The following HAPLN2 variants were observed in gnomAD, a reference collection of about 807,000 sequenced individuals.
HAPLN2 encodes brain link protein-1.
Under a neutral mutation model 29.3 loss-of-function variants are expected in HAPLN2, and 27 were observed. That is an observed-to-expected ratio of 0.92 (90% CI 0.68 to 1.27). The LOEUF (loss-of-function observed/expected upper bound fraction) is 1.27, where lower values mean the gene tolerates loss of function less well. Among genes scored for constraint, HAPLN2 ranks in the 50% most tolerant of loss-of-function variants. The pLI, the probability that HAPLN2 is intolerant of heterozygous loss-of-function variation, is 0.00. For missense variants in HAPLN2, 454 were observed against 484.3 expected (o/e 0.94, Z 0.59); for synonymous variants, 208 against 211.7 (o/e 0.98, Z 0.15).
At chr1:156,612,846 G>T in the HAPLN2 span, among the ~76,000 whole-genome samples, 1 of 152,220 alleles carries the variant, frequency 6.6e-6, no homozygotes, top group Admixed American at 6.5e-5. Flanking sequence ...TCTGCCAGTG[G>T]ATTTATTATT....
upstream of HAPLN2, among the ~76,000 whole-genome samples, chr1:156,615,907 C>G (rs118014790): frequency 1.2e-4 from 18 of 144,088 alleles, no homozygotes; most frequent in East Asian, 3.3e-3. Context: ...GAGATCCTAT[C>G]TCTTAAAAAA....
chr1:156,624,743 C>T lies in HAPLN2; in HGVS notation c.699C>T (p.Arg233=). 1.3e-6 allele frequency: 2 copies of T among 1,548,608 alleles called. No homozygotes were observed. The highest frequency in any genetic ancestry group is 1.7e-6 in the Non-Finnish European group (2 of 1,156,166). The change falls in exon 6 of 7, where the codon CGC becomes CGT. Residue 233 remains arginine (R), a synonymous_variant. Coordinates refer to ENST00000255039, the MANE Select transcript of HAPLN2 (RefSeq NM_021817.3). The part of the protein sequence containing the change: ...IRSYGPRDRM[R]DRYDAFCFTS... The stretch of plus-strand genomic sequence containing the variant: ...GCTACGGACCCCGCGACCGGATGCG[C>T]GACCGCTACGACGCCTTCTGCTTCA...
At chr1:156,616,984 G>A (rs1254157681), upstream of HAPLN2, among the ~76,000 whole-genome samples, 1 of 152,110 alleles carries the variant, frequency 6.6e-6, no homozygotes, top group East Asian at 1.9e-4. Flanking sequence ...AGCTACCTGA[G>A]AGGCTGAGGT....
upstream of HAPLN2, among the ~76,000 whole-genome samples, chr1:156,618,431 A>G (rs2102521084): frequency 6.6e-6 from 1 of 151,442 alleles, no homozygotes; most frequent in East Asian, 1.9e-4. Context: ...GTGAGCTATG[A>G]TTGGGCCACT....
At chr1:156,622,955 A>G (rs1365863867) in intron 2 of HAPLN2, among the ~76,000 whole-genome samples, 1 of 151,166 alleles carries the variant, frequency 6.6e-6, no homozygotes, top group African/African-American at 2.4e-5. Flanking sequence ...GATCACCTGG[A>G]GCTGGAAGTT....
In HAPLN2 at chr1:156,625,296, G is replaced by A. The variant is rs200318092; in HGVS notation, c.935G>A (p.Gly312Glu). Residue 312 changes from glycine (G) to glutamate (E), a missense_variant, in exon 7 of 7, where the codon GGG (glycine) becomes GAG (glutamate). Gly to Glu is a moderately conservative substitution (Grantham distance 98). Around this residue, in one of 3 missense-constraint regions of HAPLN2, gnomAD observed 235 missense variants for 236.9 expected, o/e 0.99. Transcript: ENST00000255039. This position sits in a 1 kb window ranked among gnomAD's most constrained non-coding sequence, Gnocchi z 5.7. ...ATCACCACGCCGAGGCCGCGCTGCGGGGGGCTCCCGGATCCCGGAGTGCGC... is the reference window on the plus strand; with the variant it reads ...ATCACCACGCCGAGGCCGCGCTGCGAGGGGCTCCCGGATCCCGGAGTGCGC... ...FPITTPRPRC[G>E]GLPDPGVRSF... 620 of 1,580,464 alleles carry A rather than the reference G, an allele frequency of 3.9e-4. 3 individuals carry two copies. Among genetic ancestry groups the A allele is most frequent in the Admixed American group, 2.0e-3 (110 of 55,850 alleles).
rs988093782 is a variant in HAPLN2, at chr1:156,624,036, G to C, written c.315G>C (p.Arg105Ser). ...GPLGGRARMR[R>S]GHRLDASLVI... ...TGGGAGGGCGCGCCAGGATGCGGAG[G>C]GGGCATCGACTAGACGCCTCCCTGG... The change falls in exon 4 of 7, where the codon AGG becomes AGC. Residue 105 changes from arginine to serine, a missense_variant. Arg to Ser is a moderately radical substitution (Grantham distance 110). Around this residue, in one of 3 missense-constraint regions of HAPLN2, gnomAD observed 204 missense variants for 209.2 expected, o/e 0.98. Coordinates refer to ENST00000255039, the MANE Select transcript of HAPLN2 (RefSeq NM_021817.3). The C allele has an allele frequency of 6.2e-7, 1 of 1,612,858 alleles. No homozygotes were observed. The highest frequency in any genetic ancestry group is 8.5e-7 in the Non-Finnish European group (1 of 1,179,628).
upstream of HAPLN2, among the ~76,000 whole-genome samples, chr1:156,618,812 G>A (rs567290180): frequency 2.1e-4 from 31 of 147,374 alleles, no homozygotes; most frequent in East Asian, 3.8e-3. Flanking sequence ...AAAGACTTGA[G>A]AGAAAGTGAA....
chr1:156,602,684 A>G, the HAPLN2 span, among the ~76,000 whole-genome samples: 2 of 151,614 alleles, frequency 1.3e-5, no homozygotes, highest in Non-Finnish European at 2.9e-5. Flanking sequence ...AGCCAGAAAA[A>G]AAAAAAGCAG....
chr1:156,619,832 A>T (rs1678163476), intron 1 of HAPLN2, 186 bp from the exon 2 acceptor site: 1 of 152,300 alleles, frequency 6.6e-6, no homozygotes, highest in Non-Finnish European at 1.5e-5. Flanking sequence ...TCCCAACCCC[A>T]GCATCTTCCC....
Position 156,624,346 on chromosome 1 carries a change from C to A in HAPLN2, c.440-5C>A. The stretch of plus-strand genomic sequence containing the variant: ...GCCCTCCCCAGGATCCCCGCCACCC[C>A]CTAGGTGTGGTGTTTCCGTACCAAC... On this transcript the variant is annotated splice_polypyrimidine_tract_variant and splice_region_variant and intron_variant, in intron 4 of 6. Coordinates refer to ENST00000255039, the MANE Select transcript of HAPLN2 (RefSeq NM_021817.3). 1 of 1,598,202 alleles carries A rather than the reference C, an allele frequency of 6.3e-7. No individual in the cohort carries two copies. Among genetic ancestry groups the A allele is most frequent in the Non-Finnish European group, 8.5e-7 (1 of 1,172,370 alleles).
chr1:156,607,914 G>T, the HAPLN2 span, among the ~76,000 whole-genome samples: 1 of 151,586 alleles, frequency 6.6e-6, no homozygotes, highest in Non-Finnish European at 1.5e-5. Context: ...TTACCTATTC[G>T]AATATTATTC....
Position 156,624,577 on chromosome 1 carries a change from C to T in HAPLN2, c.557-24C>T, listed in dbSNP as rs1259946755. ...CTCCTGCCTATGACGCCTCTTATCC[C>T]CGACCTCCGCCGTCTCCCGCCAGCT... On this transcript the variant is annotated intron_variant, in intron 5 of 6. Transcript: ENST00000255039. 5 of 1,608,496 alleles carry T rather than the reference C, an allele frequency of 3.1e-6. No individual in the cohort carries two copies. The East Asian group carries it at 1.1e-4, about 36-fold the overall frequency.
chr1:156,604,363 G>T, the HAPLN2 span, among the ~76,000 whole-genome samples: 1 of 151,368 alleles, frequency 6.6e-6, no homozygotes, highest in Non-Finnish European at 1.5e-5. Context: ...CACGATCTTG[G>T]TTCACTGCAA....
At position 156,625,341 on chromosome 1, in the gene HAPLN2, C is replaced by T. The variant is rs1379515639; in HGVS notation, c.980C>T (p.Pro327Leu). The change falls in exon 7 of 7, where the codon CCC (proline) becomes CTC (leucine). Residue 327 changes from proline to leucine, a missense_variant. Pro to Leu is a moderately conservative substitution (Grantham distance 98). This residue lies in a region of HAPLN2 where 235 missense variants were observed against 236.9 expected (regional missense o/e 0.99). Coordinates refer to ENST00000255039, the MANE Select transcript of HAPLN2 (RefSeq NM_021817.3). This position sits in a 1 kb window ranked among gnomAD's most constrained non-coding sequence, Gnocchi z 5.7. ...GTGCGCAGTTTCGGCTTCCCCAGGC[C>T]CCAACAGGCAGCCTATGGGACCTAC... ...PGVRSFGFPR[P>L]QQAAYGTYCY... The T allele has an allele frequency of 1.9e-6, 3 of 1,600,766 alleles. No individual in the cohort carries two copies. The highest frequency in any genetic ancestry group is 4.5e-5 in the East Asian group (2 of 44,064).
the HAPLN2 span, among the ~76,000 whole-genome samples, chr1:156,605,598 C>CAAAAAAAAAAAAAAAAAAAAAAA: frequency 1.6e-5 from 1 of 63,846 alleles, no homozygotes; most frequent in African/African-American, 7.2e-5. Flanking sequence ...GACTTGGTCT[C>CAAAAAAAAAAAAAAAAAAAAAAA]AAAAAAAAAA....
At chr1:156,623,379 G>A (rs1470324879) in intron 2 of HAPLN2, 88 bp from the exon 3 acceptor site, 1 of 1,124,862 alleles carries the variant, frequency 8.9e-7, no homozygotes, top group Non-Finnish European at 1.3e-6. Flanking sequence ...TCCCTTCTAG[G>A]ATCTCTGATG....
chr1:156,620,408 G>C (rs1678179105), intron 2 of HAPLN2, among the ~76,000 whole-genome samples: 1 of 152,138 alleles, frequency 6.6e-6, no homozygotes, highest in South Asian at 2.1e-4. Flanking sequence ...GGATTGCTGG[G>C]AGGAGTAAAT....
chr1:156,625,069 G>A lies in HAPLN2; in HGVS notation c.740-32G>A, dbSNP rs1678402519. On this transcript the variant is annotated intron_variant, in intron 6 of 6. Coordinates refer to ENST00000255039, the MANE Select transcript of HAPLN2 (RefSeq NM_021817.3). This position sits in a 1 kb window ranked among gnomAD's most constrained non-coding sequence, Gnocchi z 5.7. ...TCAGCCGCCCCTCTCCGCCCACCCTGCCCTCGGTCGGTGACCCGCTGTGGT... is the reference window on the plus strand; with the variant it reads ...TCAGCCGCCCCTCTCCGCCCACCCTACCCTCGGTCGGTGACCCGCTGTGGT... 1.3e-6 allele frequency: 2 copies of A among 1,532,596 alleles called. No individual in the cohort carries two copies. The highest frequency in any genetic ancestry group is 8.7e-7 in the Non-Finnish European group (1 of 1,145,458). 94.9% of individuals were successfully genotyped at this position (1,532,596 alleles called of 1,614,324 possible).
Sources: gnomAD v4.1 joint callset for allele counts (sites outside exome capture counted in the v4.1 genomes callset) on GRCh38, gnomAD v4.1.1 for gene constraint, gnomAD v4.1.1 regional missense constraint, Gnocchi (gnomAD v3.1) non-coding constraint, MANE v1.5 for transcripts, NCBI Gene and HGNC (gene_info 2026-07-23, HGNC 2026-07-21) for gene names.